OPHN1: variants seen among roughly 807,000 people sequenced by gnomAD.
OPHN1 encodes the protein oligophrenin-1.
Under a neutral mutation model 60.7 loss-of-function variants are expected in OPHN1, and 11 were observed. That is an observed-to-expected ratio of 0.18 (90% confidence interval 0.11 to 0.30). The LOEUF (loss-of-function observed/expected upper bound fraction) is 0.30, where lower values mean the gene tolerates loss of function less well. OPHN1 is among the 10% of genes least tolerant of loss of function. The probability of loss-of-function intolerance (pLI) is 1.00; values close to 1 mark genes in which losing one functional copy is unlikely to be tolerated. For synonymous variants in OPHN1, 226 were observed against 222.6 expected, an observed-to-expected ratio of 1.02 and a Z score of -0.14; for missense variants, 449 against 611.0, an observed-to-expected ratio of 0.73 and a Z score of 2.80.
At chrX:68,351,939 C>T (rs1281837934) in intron 2 of OPHN1, among the ~76,000 whole-genome samples, 5 of 97,513 alleles carry the variant, frequency 5.1e-5, no homozygotes, top group Non-Finnish European at 8.1e-5. Context: ...TGCAGTGGCG[C>T]GATCTCGGCT....
chrX:68,234,525 G>T lies in OPHN1; in HGVS notation c.448C>A (p.His150Asn). ...GATTCTTTCTTTTTTGAAGACAGGT[G>T]TAAGTGCCGATCCAGTAAAGAATAA... ...RFYSLLDRHLHLSSKKKESQL... is the reference protein window; with the variant it reads ...RFYSLLDRHLNLSSKKKESQL... Residue 150 changes from histidine (H) to asparagine (N), a missense_variant, in exon 6 of 25, where the codon CAC becomes AAC. By Grantham distance (68) the His-to-Asn change is moderately conservative. Around this residue, in one of 4 missense-constraint regions of OPHN1, gnomAD observed 99 missense variants for 155.2 expected, o/e 0.64. Coordinates refer to ENST00000355520, the MANE Select transcript of OPHN1 (RefSeq NM_002547.3). 8.3e-7 allele frequency: 1 copy of T among 1,210,159 alleles called. No individual in the cohort carries two copies. The highest frequency in any genetic ancestry group is 3.0e-5 in the East Asian group (1 of 33,847).
intron 2 of OPHN1, among the ~76,000 whole-genome samples, chrX:68,427,201 G>A (rs1412811211): frequency 9.2e-6 from 1 of 108,550 alleles, no homozygotes; most frequent in Middle Eastern, 4.2e-3. Flanking sequence ...CCCCGGAGGC[G>A]GAGGTTGCAG....
intron 2 of OPHN1, among the ~76,000 whole-genome samples, chrX:68,354,864 T>C (rs1456895369): frequency 1.1e-4 from 12 of 112,096 alleles, no homozygotes; most frequent in Non-Finnish European, 1.9e-5. Flanking sequence ...CATAAGGCTC[T>C]GCTCATCCCT....
chrX:68,269,411 C>T (rs2077953435), intron 5 of OPHN1, among the ~76,000 whole-genome samples: 1 of 111,243 alleles, frequency 9.0e-6, no homozygotes, highest in African/African-American at 3.3e-5. Flanking sequence ...TGGAACAGAA[C>T]AGAGCCCTCA....
intron 21 of OPHN1, among the ~76,000 whole-genome samples, chrX:68,062,110 T>TA (rs1039134199): frequency 8.9e-6 from 1 of 111,955 alleles, no homozygotes; most frequent in African/African-American, 3.2e-5. Flanking sequence ...ACCAAGTGTT[T>TA]AAGTATTCAT....
At chrX:68,414,942 G>A (rs1303876423) in intron 2 of OPHN1, among the ~76,000 whole-genome samples, 6 of 112,142 alleles carry the variant, frequency 5.4e-5, no homozygotes, top group Non-Finnish European at 1.1e-4. Context: ...AAAAGAAGAA[G>A]ACTTAATTAA....
At chrX:68,055,811 G>A (rs2076870701) in intron 21 of OPHN1, among the ~76,000 whole-genome samples, 1 of 111,714 alleles carries the variant, frequency 9.0e-6, no homozygotes, top group African/African-American at 3.3e-5. Context: ...TAGGGACATG[G>A]ATGAAGCTGG....
intron 2 of OPHN1, among the ~76,000 whole-genome samples, chrX:68,319,510 T>C (rs5964664): frequency 0.058 from 6,339 of 109,935 alleles, 458 homozygotes; most frequent in African/African-American, 0.2. Context: ...CCGAGGCAGG[T>C]GGATCACTTG....
intron 2 of OPHN1, among the ~76,000 whole-genome samples, chrX:68,388,783 T>C (rs998535805): frequency 3.6e-5 from 4 of 111,199 alleles, no homozygotes; most frequent in Admixed American, 9.7e-5. Flanking sequence ...CATGAGTTCT[T>C]TATACTATTC....
At chrX:68,155,720 C>CAGAG (rs2077306574) in intron 15 of OPHN1, among the ~76,000 whole-genome samples, 1 of 111,830 alleles carries the variant, frequency 8.9e-6, no homozygotes, top group East Asian at 2.8e-4. Context: ...TGGACATACT[C>CAGAG]TGCCCTGTGT....
intron 11 of OPHN1, 29 bp downstream of exon 11, chrX:68,201,590 C>G: frequency 1.7e-6 from 2 of 1,145,364 alleles, no homozygotes; most frequent in South Asian, 3.6e-5. Flanking sequence ...CACGTGGGGA[C>G]ATTGCCAATT....
intron 2 of OPHN1, among the ~76,000 whole-genome samples, chrX:68,368,734 G>A (rs2078512186): frequency 9.0e-6 from 1 of 111,389 alleles, no homozygotes; most frequent in Non-Finnish European, 1.9e-5. Context: ...GAGTAGAGGT[G>A]GTTTTTGTTT....
At chrX:68,297,596 T>C (rs972528418) in intron 3 of OPHN1, among the ~76,000 whole-genome samples, 10 of 112,158 alleles carry the variant, frequency 8.9e-5, no homozygotes, top group Non-Finnish European at 3.8e-5. Flanking sequence ...AAATAAGCTA[T>C]ATTTCCAAGA....
At chrX:68,075,128 T>A (rs2076949007) in intron 19 of OPHN1, among the ~76,000 whole-genome samples, 1 of 112,293 alleles carries the variant, frequency 8.9e-6, no homozygotes, top group Non-Finnish European at 1.9e-5. Flanking sequence ...GCTGAGAGAC[T>A]GAAAAAAACA....
chrX:68,188,469 T>C (rs1355226577), intron 15 of OPHN1, among the ~76,000 whole-genome samples: 1 of 112,111 alleles, frequency 8.9e-6, no homozygotes, highest in African/African-American at 3.2e-5. Context: ...ATAGTAATGA[T>C]TAATGAACCT....
At chrX:68,193,834 G>A in intron 14 of OPHN1, 56 bp downstream of exon 14, 2 of 1,020,360 alleles carry the variant, frequency 2.0e-6, no homozygotes, top group Non-Finnish European at 2.8e-6. Flanking sequence ...AATTGCCCAG[G>A]ATAAAATCAG....
Position 68,192,937 on chromosome X carries a change from G to T in OPHN1, c.1258C>A (p.Leu420Met). The change falls in exon 15 of 25, where the codon CTG (leucine) becomes ATG (methionine). Residue 420 changes from leucine (L) to methionine (M), a missense_variant. Transcript: ENST00000355520. ...TVGSNIQVQK[L>M]LNAFFDPKCP... is the part of the protein sequence containing the mutation. Reference sequence around the variant, plus strand: ...TTGTTACCAAAAAAGGCATTCAGCAGCTTCTGAACCTGAATATTGCTGCCC... The same window carrying T: ...TTGTTACCAAAAAAGGCATTCAGCATCTTCTGAACCTGAATATTGCTGCCC... The T allele has an allele frequency of 1.7e-6, 2 of 1,209,749 alleles. No individual in the cohort carries two copies. Among genetic ancestry groups the T allele is most frequent in the Non-Finnish European group, 2.2e-6 (2 of 893,438 alleles).
At chrX:68,106,763 C>T (rs1018407542) in intron 18 of OPHN1, among the ~76,000 whole-genome samples, 2 of 111,933 alleles carry the variant, frequency 1.8e-5, no homozygotes, top group African/African-American at 6.5e-5. Context: ...CATAGATGTA[C>T]TCATCATATA....
At chrX:68,286,237 ATTCT>A (rs1170424675) in intron 3 of OPHN1, among the ~76,000 whole-genome samples, 1 of 111,837 alleles carries the variant, frequency 8.9e-6, no homozygotes, top group Non-Finnish European at 1.9e-5. Context: ...TATAGTCTGC[ATTCT>A]TTGTCATATG....
Sources: allele counts gnomAD v4.1 joint callset (sites outside exome capture counted in the v4.1 genomes callset), GRCh38; gene constraint gnomAD v4.1.1; regional missense constraint gnomAD v4.1.1; transcripts MANE v1.5; gene names NCBI Gene and HGNC (gene_info 2026-07-23, HGNC 2026-07-21).